FAM169A: variants seen among roughly 807,000 people sequenced by gnomAD.
The protein encoded by FAM169A is family with sequence similarity 169 member A.
In FAM169A, 24 loss-of-function variants were observed where a neutral mutation model predicts 75.7. The ratio of observed to expected loss-of-function variants is 0.32; its 90% CI spans 0.23 to 0.45. The LOEUF (loss-of-function observed/expected upper bound fraction) is 0.45. Among genes scored for constraint, FAM169A ranks in the 20% least tolerant of loss-of-function variants. The probability of loss-of-function intolerance (pLI) is 1.00; values close to 1 mark genes in which losing one functional copy is unlikely to be tolerated. For synonymous variants in FAM169A, 271 were observed against 271.0 expected (o/e 1.00, Z 0.00); for missense variants, 673 against 784.0 (o/e 0.86, Z 1.69).
In FAM169A at chr5:74,780,302, T is replaced by C; in HGVS notation, c.*1158A>G. ...TACCCCTGCCATATAGGTCTAACACTGGGGGCAGTTTTACTCCTGCCATAT... is the reference window on the plus strand; with the variant it reads ...TACCCCTGCCATATAGGTCTAACACCGGGGGCAGTTTTACTCCTGCCATAT... On this transcript the variant is annotated 3_prime_UTR_variant, in exon 13 of 13. Coordinates refer to ENST00000687041, the MANE Select transcript of FAM169A (RefSeq NM_001376049.1). 6.6e-6 allele frequency: 1 copy of C among 152,260 alleles called. No individual in the cohort carries two copies. The highest frequency in any genetic ancestry group is 1.9e-4 in the East Asian group (1 of 5,188). 9.4% of individuals were successfully genotyped at this position (152,260 alleles called of 1,614,324 possible).
At chr5:74,859,944 G>A (rs949972462) in intron 1 of FAM169A, among the ~76,000 whole-genome samples, 13 of 152,154 alleles carry the variant, frequency 8.5e-5, no homozygotes, top group Admixed American at 7.2e-4. Context: ...GTAAGAAGAT[G>A]AGGATCACTG....
chr5:74,787,891 AGAG>A (rs1359633735), intron 11 of FAM169A, among the ~76,000 whole-genome samples: 1 of 152,144 alleles, frequency 6.6e-6, no homozygotes, highest in Admixed American at 6.5e-5. Flanking sequence ...ATTAAAAAAA[AGAG>A]AGAATCACAG....
rs923740474 is a variant in FAM169A at position 74,781,303 on chromosome 5, C to T, written c.*157G>A. ...AAATTAAAAACAATGGTGAATTCTA[C>T]GTTCTAAAGGGAAGCAAAAAACTGC... On this transcript the variant is annotated 3_prime_UTR_variant, in exon 13 of 13. Transcript: ENST00000687041. The T allele has an allele frequency of 2.3e-5, 13 of 577,524 alleles. No homozygotes were observed. The highest frequency in any genetic ancestry group is 3.5e-5 in the Non-Finnish European group (12 of 338,612). 35.8% of individuals were successfully genotyped at this position (577,524 alleles called of 1,614,324 possible).
At chr5:74,801,764 A>G (rs1746592348) in intron 8 of FAM169A, 135 bp from the exon 9 acceptor site, 8 of 679,338 alleles carry the variant, frequency 1.2e-5, no homozygotes, top group Non-Finnish European at 1.8e-5. Context: ...CATTTACTTT[A>G]AAAATAAAAA....
chr5:74,843,351 G>A (rs1250045191), intron 1 of FAM169A, among the ~76,000 whole-genome samples: 1 of 151,992 alleles, frequency 6.6e-6, no homozygotes, highest in Non-Finnish European at 1.5e-5. Context: ...TTTTTCCTGA[G>A]GCAAGAAAAG....
At chr5:74,823,492 C>T (rs936725672) in intron 5 of FAM169A, among the ~76,000 whole-genome samples, 1 of 152,146 alleles carries the variant, frequency 6.6e-6, no homozygotes, top group African/African-American at 2.4e-5. Flanking sequence ...ACTTACAAAA[C>T]TGAATTTTGA....
At chr5:74,798,791 G>C (rs1746410313) in intron 10 of FAM169A, among the ~76,000 whole-genome samples, 1 of 152,140 alleles carries the variant, frequency 6.6e-6, no homozygotes, top group Non-Finnish European at 1.5e-5. Flanking sequence ...AATTCCTGAA[G>C]GAATTCACTG....
At chr5:74,842,876 G>C (rs1428820154) in intron 1 of FAM169A, among the ~76,000 whole-genome samples, 1 of 152,068 alleles carries the variant, frequency 6.6e-6, no homozygotes, top group South Asian at 2.1e-4. Flanking sequence ...ACTGGGGTGG[G>C]AGTAGGGTAG....
chr5:74,799,390 G>A, intron 10 of FAM169A: 2 of 1,613,094 alleles, frequency 1.2e-6, no homozygotes, highest in Non-Finnish European at 1.7e-6. Context: ...TGACTGGTGG[G>A]TGAGCAAGCA....
intron 11 of FAM169A, among the ~76,000 whole-genome samples, chr5:74,783,560 C>A (rs1305064421): frequency 6.6e-6 from 1 of 152,172 alleles, no homozygotes; most frequent in Non-Finnish European, 1.5e-5. Flanking sequence ...CATCTGGAAT[C>A]TATGGGAAAT....
At chr5:74,806,913 A>G (rs946943699) in intron 6 of FAM169A, among the ~76,000 whole-genome samples, 11 of 152,112 alleles carry the variant, frequency 7.2e-5, no homozygotes, top group African/African-American at 2.7e-4. Flanking sequence ...AAGATGATAA[A>G]CCTCACTAGC....
At chr5:74,829,095 T>G (rs758070777) in intron 5 of FAM169A, among the ~76,000 whole-genome samples, 13 of 152,224 alleles carry the variant, frequency 8.5e-5, no homozygotes, top group African/African-American at 2.7e-4. Flanking sequence ...TAACTTAGTA[T>G]AGCAATTATT....
intron 5 of FAM169A, among the ~76,000 whole-genome samples, chr5:74,816,489 A>G (rs1747478610): frequency 6.6e-6 from 1 of 152,174 alleles, no homozygotes; most frequent in African/African-American, 2.4e-5. Flanking sequence ...ACAACATTTA[A>G]ATTTCTTCTA....
chr5:74,852,131 G>A (rs1749473915), intron 1 of FAM169A, among the ~76,000 whole-genome samples: 3 of 152,164 alleles, frequency 2.0e-5, no homozygotes, highest in Non-Finnish European at 4.4e-5. Flanking sequence ...ATATTCTGCT[G>A]AGTCACAATC....
chr5:74,781,464 G>A lies in FAM169A; in HGVS notation c.2009C>T (p.Thr670Ile). Reference protein sequence around the residue: ...KGPAKKKAKLT With the variant: ...KGPAKKKAKLI The stretch of plus-strand genomic sequence containing the variant: ...ATCATCCACTTTCTTCTTCCTTCAG[G>A]TCAGCTTAGCTTTCTTCTTAGCAGG... Residue 670 changes from threonine to isoleucine, a missense_variant, in exon 13 of 13, where the codon ACC becomes ATC. Physicochemically the swap from Thr to Ile is moderately conservative, Grantham distance 89. Coordinates refer to ENST00000687041, the MANE Select transcript of FAM169A (RefSeq NM_001376049.1). 5.6e-6 allele frequency: 9 copies of A among 1,611,760 alleles called. No homozygotes were observed. Among genetic ancestry groups the A allele is most frequent in the Non-Finnish European group, 7.6e-6 (9 of 1,178,606 alleles).
Position 74,804,477 on chromosome 5 carries a change from T to A in FAM169A, c.912+16A>T. The A allele has an allele frequency of 1.4e-6, 2 of 1,385,700 alleles. No homozygotes were observed. The highest frequency in any genetic ancestry group is 2.0e-6 in the Non-Finnish European group (2 of 994,140). 85.8% of individuals were successfully genotyped at this position (1,385,700 alleles called of 1,614,324 possible). On this transcript the variant is annotated intron_variant, in intron 8 of 12. Coordinates refer to ENST00000687041, the MANE Select transcript of FAM169A (RefSeq NM_001376049.1). ...AATTTTATATACAACAATAAACATA[T>A]AGACAGTGTACCTACAGTTAGCTGC...
intron 11 of FAM169A, among the ~76,000 whole-genome samples, chr5:74,793,893 C>T (rs1386304302): frequency 6.6e-6 from 1 of 150,808 alleles, no homozygotes; most frequent in Non-Finnish European, 1.5e-5. Context: ...GTCCCAGCTA[C>T]TCAGAAGGCT....
rs192936453 is a variant in FAM169A at position 74,823,850 on chromosome 5, T to G, written c.491-9831A>C. On this transcript the variant is annotated intron_variant, in intron 5 of 12. Transcript: ENST00000687041. ...ATAATCACACTCTCCCAACAAAAAA[T>G]TCAGCTGGGTTTCACTTTTAGCTAT... 1.4e-4 allele frequency among the ~76,000 whole-genome samples: 22 copies of G among 152,284 alleles called. No individual in the cohort carries two copies. In the East Asian group the frequency reaches 4.2e-3, roughly 29 times the overall value.
chr5:74,817,139 A>G (rs1747510401), intron 5 of FAM169A, among the ~76,000 whole-genome samples: 1 of 152,120 alleles, frequency 6.6e-6, no homozygotes, highest in South Asian at 2.1e-4. Flanking sequence ...CAGGAAAAAG[A>G]CAAGGATATT....
Sources: gnomAD v4.1 joint callset for allele counts (sites outside exome capture counted in the v4.1 genomes callset) on GRCh38, gnomAD v4.1.1 for gene constraint, MANE v1.5 for transcripts, NCBI Gene and HGNC (gene_info 2026-07-23, HGNC 2026-07-21) for gene names.